The following GCLC variants were observed in gnomAD, a reference collection of about 807,000 sequenced individuals.
GCLC encodes the protein glutamate--cysteine ligase catalytic subunit.
GCLC carries 30 observed loss-of-function variants against 81.5 expected under a neutral mutation model. That is an observed-to-expected ratio of 0.37 (90% CI 0.28 to 0.50). GCLC has a LOEUF of 0.50. GCLC is among the 20% of genes least tolerant of loss of function. The probability of loss-of-function intolerance (pLI) is 0.96; values close to 1 mark genes in which losing one functional copy is unlikely to be tolerated. For missense variants in GCLC, 556 were observed against 777.4 expected, an observed-to-expected ratio of 0.72 and a Z score of 3.39; for synonymous variants, 262 against 273.3, an observed-to-expected ratio of 0.96 and a Z score of 0.41.
intron 1 of GCLC, among the ~76,000 whole-genome samples, chr6:53,543,194 C>A (rs17880146): frequency 2.6e-5 from 4 of 152,136 alleles, no homozygotes; most frequent in Non-Finnish European, 5.9e-5. Flanking sequence ...AATGTCCCTG[C>A]CCAATTTCGT....
At chr6:53,520,500 C>A (rs17886170) in intron 3 of GCLC, among the ~76,000 whole-genome samples, 1 of 152,208 alleles carries the variant, frequency 6.6e-6, no homozygotes, top group Non-Finnish European at 1.5e-5. Context: ...GCGGCAGACA[C>A]GGCCACACTG....
At chr6:53,540,079 A>T (rs1763326631) in intron 1 of GCLC, among the ~76,000 whole-genome samples, 2 of 152,228 alleles carry the variant, frequency 1.3e-5, no homozygotes, top group Admixed American at 1.3e-4. Flanking sequence ...CCTACCCTTC[A>T]CACACCTCCT....
chr6:53,526,895 A>C (rs1294252249), intron 1 of GCLC, among the ~76,000 whole-genome samples: 1 of 152,166 alleles, frequency 6.6e-6, no homozygotes, highest in African/African-American at 2.4e-5. Flanking sequence ...ACAATGCTTA[A>C]TTAGGAAACA....
chr6:53,499,853 TAAG>T (rs1764470666), intron 15 of GCLC, among the ~76,000 whole-genome samples, 189 bp downstream of exon 15: 1 of 151,932 alleles, frequency 6.6e-6, no homozygotes, highest in Non-Finnish European at 1.5e-5. Context: ...TATGAACTGA[TAAG>T]AAAAAAAGCA....
intron 12 of GCLC, 141 bp from the exon 13 acceptor site, chr6:53,500,654 A>G (rs1055468717): frequency 1.4e-6 from 1 of 709,582 alleles, no homozygotes; most frequent in South Asian, 1.5e-5. Context: ...AGTGGGAGGA[A>G]CAGGCTTTTT....
chr6:53,544,595 G>C lies in GCLC; in HGVS notation c.51C>G (p.Arg17=). 1 of 1,604,680 alleles carries C rather than the reference G, an allele frequency of 6.2e-7. No individual in the cohort carries two copies. The highest frequency in any genetic ancestry group is 8.5e-7 in the Non-Finnish European group (1 of 1,179,592). ...CGTGCCGCCGCACGTGGTCGGCATG[G>C]CGCTTGGTTTCCTCCCAGCTCAGCG... ...GSPLSWEETK[R]HADHVRRHGI... Residue 17 remains arginine (R), a synonymous_variant, in exon 1 of 16, where the codon CGC becomes CGG. Transcript: ENST00000650454.
rs1289945180 is a variant in GCLC, at chr6:53,514,308, A to G, written c.649T>C (p.Phe217Leu). 2 of 1,597,004 alleles carry G rather than the reference A, an allele frequency of 1.3e-6. No homozygotes were observed. The highest frequency in any genetic ancestry group is 2.2e-5 in the South Asian group (2 of 90,746). The change falls in exon 6 of 16, where the codon TTT becomes CTT. Residue 217 changes from phenylalanine to leucine, a missense_variant. Coordinates refer to ENST00000650454, the MANE Select transcript of GCLC (RefSeq NM_001498.4). ...TCATCCTCAGTAAATGTTTCTATAA[A>G]TGGAGATGGTGTATTCTTGTCCTTA... Reference protein sequence around the residue: ...IFKDKNTPSPFIETFTEDDEA... With the variant: ...IFKDKNTPSPLIETFTEDDEA...
At position 53,544,685 on chromosome 6, in the gene GCLC, G is replaced by C; in HGVS notation, c.-40C>G. On this transcript the variant is annotated 5_prime_UTR_variant, in exon 1 of 16. Transcript: ENST00000650454. ...CCTCCTCCTCCTCCTCCGGGCTGACGGCGGTCGCCCGCTCCGGGCGCGAGA... is the reference window on the plus strand; with the variant it reads ...CCTCCTCCTCCTCCTCCGGGCTGACCGCGGTCGCCCGCTCCGGGCGCGAGA... 1 of 1,550,310 alleles carries C rather than the reference G, an allele frequency of 6.5e-7. No individual in the cohort carries two copies. The highest frequency in any genetic ancestry group is 1.4e-5 in the African/African-American group (1 of 70,618).
At position 53,544,129 on chromosome 6, in the gene GCLC, G is replaced by T. The variant is rs1037145375; in HGVS notation, c.150+367C>A. ...TCTCTTTCATATTGACCGCAAAAGCGAATTTTGAGCCTGTAAGGTGGATCA... is the reference window on the plus strand; with the variant it reads ...TCTCTTTCATATTGACCGCAAAAGCTAATTTTGAGCCTGTAAGGTGGATCA... On this transcript the variant is annotated intron_variant, in intron 1 of 15. Transcript: ENST00000650454. 2.0e-5 allele frequency among the ~76,000 whole-genome samples: 3 copies of T among 152,220 alleles called. No homozygotes were observed. In the East Asian group the frequency reaches 5.8e-4, roughly 29 times the overall value.
chr6:53,500,441 T>A lies in GCLC; in HGVS notation c.1468A>T (p.Ile490Phe). The change falls in exon 13 of 16, where the codon ATT becomes TTT. Residue 490 changes from isoleucine (I) to phenylalanine (F), a missense_variant. Physicochemically the swap from Ile to Phe is conservative, Grantham distance 21. Transcript: ENST00000650454. ...TAAGATAATGTAATACCTTTGCAAA[T>A]ATCTTTCCTGAAATAAAACATTCCC... ...LQGMFYFRKDICKGGNAVVDG... is the reference protein window; with the variant it reads ...LQGMFYFRKDFCKGGNAVVDG... 1 of 1,610,146 alleles carries A rather than the reference T, an allele frequency of 6.2e-7. No homozygotes were observed. Among genetic ancestry groups the A allele is most frequent in the Non-Finnish European group, 8.5e-7 (1 of 1,176,326 alleles).
chr6:53,523,484 ATT>A (rs1191460346), intron 1 of GCLC, among the ~76,000 whole-genome samples: 1 of 152,234 alleles, frequency 6.6e-6, no homozygotes, highest in Non-Finnish European at 1.5e-5. Context: ...GCTACAGTGT[ATT>A]TGGTTTGGCC....
intron 12 of GCLC, among the ~76,000 whole-genome samples, chr6:53,502,644 A>G (rs1309462536): frequency 1.3e-5 from 2 of 152,178 alleles, no homozygotes; most frequent in Non-Finnish European, 2.9e-5. Flanking sequence ...TATCATTCCA[A>G]AAGGTCACTA....
rs962622770 is a variant in GCLC at position 53,544,562 on chromosome 6, G to C, written c.84C>G (p.Leu28=). 1 of 1,608,038 alleles carries C rather than the reference G, an allele frequency of 6.2e-7. No individual in the cohort carries two copies. ...HADHVRRHGI[L]QFLHIYHAVK... is the part of the protein sequence containing the mutation. ...CGGCGTGGTAGATGTGCAGGAACTGGAGGATCCCGTGCCGCCGCACGTGGT... is the reference window on the plus strand; with the variant it reads ...CGGCGTGGTAGATGTGCAGGAACTGCAGGATCCCGTGCCGCCGCACGTGGT... Residue 28 remains leucine (L), a synonymous_variant, in exon 1 of 16, where the codon CTC becomes CTG. Transcript: ENST00000650454.
In GCLC at chr6:53,518,926, T is replaced by C. The variant is rs544798636; in HGVS notation, c.446+1852A>G. Among the ~76,000 whole-genome samples the C allele has an allele frequency of 3.3e-5, 5 of 152,298 alleles. No homozygotes were observed. The East Asian group carries it at 9.6e-4, about 29-fold the overall frequency. Reference sequence around the variant, plus strand: ...CTATAGCAAAAGCCTTGATGTGTCTTCTCTCCCCAGCAGTTCACTGACTCT... The same window carrying C: ...CTATAGCAAAAGCCTTGATGTGTCTCCTCTCCCCAGCAGTTCACTGACTCT... On this transcript the variant is annotated intron_variant, in intron 3 of 15. Coordinates refer to ENST00000650454, the MANE Select transcript of GCLC (RefSeq NM_001498.4).
Position 53,507,515 on chromosome 6 carries a change from A to G in GCLC, c.1049T>C (p.Ile350Thr), listed in dbSNP as rs756972033. 2 of 1,610,858 alleles carry G rather than the reference A, an allele frequency of 1.2e-6. No individual in the cohort carries two copies. Among genetic ancestry groups the G allele is most frequent in the South Asian group, 1.1e-5 (1 of 91,000 alleles). ...CAGCTGTTCGTAGATCTCTTTATCT[A>G]TCGTCAAGTCGATGTCATTATATTT... ...GEKYNDIDLT[I>T]DKEIYEQLLQ... The change falls in exon 9 of 16, where the codon ATA becomes ACA. Residue 350 changes from isoleucine to threonine, a missense_variant. Physicochemically the swap from Ile to Thr is moderately conservative, Grantham distance 89 (BLOSUM62 -1). This residue lies in a region of GCLC where 313 missense variants were observed against 437.3 expected (regional missense o/e 0.72). Coordinates refer to ENST00000650454, the MANE Select transcript of GCLC (RefSeq NM_001498.4).
At chr6:53,508,000 T>C (rs1452469714) in intron 8 of GCLC, among the ~76,000 whole-genome samples, 2 of 152,204 alleles carry the variant, frequency 1.3e-5, no homozygotes. Context: ...AACAATTACA[T>C]GAAGACCAGA....
intron 1 of GCLC, among the ~76,000 whole-genome samples, chr6:53,540,317 A>G (rs1359294049): frequency 7.5e-6 from 1 of 134,178 alleles, no homozygotes; most frequent in Non-Finnish European, 1.6e-5. Context: ...AATATTATTC[A>G]GCCTCAAAAA....
At chr6:53,537,994 C>G (rs1276442518) in intron 1 of GCLC, among the ~76,000 whole-genome samples, 1 of 152,108 alleles carries the variant, frequency 6.6e-6, no homozygotes, top group Non-Finnish European at 1.5e-5. Context: ...GAGTAAGCAA[C>G]TTGCCCAAAG....
At chr6:53,505,782 T>C in intron 11 of GCLC, 21 bp downstream of exon 11, 1 of 1,393,274 alleles carries the variant, frequency 7.2e-7, no homozygotes, top group Non-Finnish European at 1.0e-6. Context: ...GAGTCAGTTC[T>C]TGCTGATGCA....
Sources: allele counts gnomAD v4.1 joint callset (sites outside exome capture counted in the v4.1 genomes callset), GRCh38; gene constraint gnomAD v4.1.1; regional missense constraint gnomAD v4.1.1; transcripts MANE v1.5; gene names NCBI Gene and HGNC (gene_info 2026-07-23, HGNC 2026-07-21).